SFXN1: variants seen among roughly 807,000 people sequenced by gnomAD.
SFXN1 encodes the protein sideroflexin 1, also known as sideroflexin-1.
A neutral mutation model predicts 39.5 loss-of-function variants in SFXN1; 32 were observed. That is an observed-to-expected ratio of 0.81 (90% CI 0.61 to 1.09). SFXN1 has a LOEUF of 1.09. Among genes scored for constraint, SFXN1 ranks in the 50% least tolerant of loss-of-function variants. The probability of loss-of-function intolerance (pLI) is 0.00; values close to 1 mark genes in which losing one functional copy is unlikely to be tolerated. For missense variants in SFXN1, 402 were observed against 407.1 expected, an observed-to-expected ratio of 0.99 and a Z score of 0.11; for synonymous variants, 136 against 146.5, an observed-to-expected ratio of 0.93 and a Z score of 0.52.
chr5:175,509,910 C>G (rs892714313), intron 3 of SFXN1, among the ~76,000 whole-genome samples, 199 bp from the exon 4 acceptor site: 11 of 152,142 alleles, frequency 7.2e-5, no homozygotes, highest in Non-Finnish European at 1.3e-4. Flanking sequence ...TTGGTGTTAT[C>G]TATATCTACG....
At chr5:175,509,806 C>A (rs1760448932) in intron 3 of SFXN1, among the ~76,000 whole-genome samples, 1 of 152,096 alleles carries the variant, frequency 6.6e-6, no homozygotes, top group African/African-American at 2.4e-5. Flanking sequence ...CTTTTTTCCC[C>A]AAGAGAAGGG....
chr5:175,480,490 A>G (rs2113245749), intron 1 of SFXN1, among the ~76,000 whole-genome samples: 1 of 152,316 alleles, frequency 6.6e-6, no homozygotes, highest in South Asian at 2.1e-4. Flanking sequence ...TGAGGCTTTC[A>G]GGCCACATGG....
At chr5:175,505,020 A>G (rs884457) in intron 2 of SFXN1, among the ~76,000 whole-genome samples, 48,842 of 151,974 alleles carry the variant, frequency 0.32, 9,196 homozygotes, top group African/African-American at 0.52. Flanking sequence ...GAGCCATCGC[A>G]CCCGGCCAGA....
intron 2 of SFXN1, among the ~76,000 whole-genome samples, chr5:175,492,797 G>A (rs1759709211): frequency 6.6e-6 from 1 of 152,150 alleles, no homozygotes; most frequent in African/African-American, 2.4e-5. Flanking sequence ...CATGCGGGAG[G>A]GAGGAGAAGA....
At chr5:175,516,268 A>G (rs553347426) in intron 7 of SFXN1, among the ~76,000 whole-genome samples, 1 of 152,182 alleles carries the variant, frequency 6.6e-6, no homozygotes, top group East Asian at 1.9e-4. Flanking sequence ...TCTTTACACC[A>G]TCCTCCCTGC....
chr5:175,504,351 A>G (rs1760206748), intron 2 of SFXN1, among the ~76,000 whole-genome samples: 1 of 151,918 alleles, frequency 6.6e-6, no homozygotes, highest in Non-Finnish European at 1.5e-5. Context: ...AGGGCAGGCA[A>G]ATCACCTGAG....
chr5:175,509,205 A>G lies in SFXN1; in HGVS notation c.335+3A>G, dbSNP rs1410506631. The G allele has an allele frequency of 1.2e-6, 2 of 1,606,704 alleles. No homozygotes were observed. Among genetic ancestry groups the G allele is most frequent in the African/African-American group, 2.7e-5 (2 of 74,734 alleles). On this transcript the variant is annotated splice_donor_region_variant and intron_variant, in intron 3 of 10. Transcript: ENST00000321442. ...GGTTGTATGATGACGTTTTACAGGT[A>G]TGTTATGAATATGTAGCAACAGTGT...
intron 1 of SFXN1, among the ~76,000 whole-genome samples, chr5:175,480,506 C>G (rs1328050403): frequency 1.3e-5 from 2 of 152,050 alleles, no homozygotes; most frequent in African/African-American, 4.8e-5. Context: ...CATGGATGTT[C>G]AGAAAAGGGA....
chr5:175,514,860 T>G (rs941694501), intron 7 of SFXN1, among the ~76,000 whole-genome samples: 1 of 152,156 alleles, frequency 6.6e-6, no homozygotes, highest in Admixed American at 6.5e-5. Flanking sequence ...TCCTGAAACA[T>G]GGGAAAGCAT....
chr5:175,504,425 A>AG (rs1760209995), intron 2 of SFXN1, among the ~76,000 whole-genome samples: 1 of 151,044 alleles, frequency 6.6e-6, no homozygotes, highest in African/African-American at 2.4e-5. Context: ...AAACACAAAA[A>AG]CTAACCGGGC....
At chr5:175,497,574 G>A (rs1759901252) in intron 2 of SFXN1, among the ~76,000 whole-genome samples, 1 of 152,096 alleles carries the variant, frequency 6.6e-6, no homozygotes, top group African/African-American at 2.4e-5. Flanking sequence ...ATGAGCCAGT[G>A]GTGTTCCATC....
chr5:175,484,445 G>A (rs887306356), intron 1 of SFXN1, among the ~76,000 whole-genome samples: 10 of 152,220 alleles, frequency 6.6e-5, no homozygotes, highest in East Asian at 3.9e-4. Context: ...CCAGGTGTGC[G>A]GGGCACATGC....
At chr5:175,483,359 T>G (rs1449810643) in intron 1 of SFXN1, among the ~76,000 whole-genome samples, 3 of 152,196 alleles carry the variant, frequency 2.0e-5, no homozygotes, top group African/African-American at 7.2e-5. Flanking sequence ...TAAGTCCCAC[T>G]TTTTTCTCAT....
At chr5:175,500,666 T>C (rs1162028494) in intron 2 of SFXN1, among the ~76,000 whole-genome samples, 1 of 152,150 alleles carries the variant, frequency 6.6e-6, no homozygotes, top group Non-Finnish European at 1.5e-5. Context: ...CCTAGAATAT[T>C]GGAAACAATT....
chr5:175,504,457 C>T (rs998302108), intron 2 of SFXN1, among the ~76,000 whole-genome samples: 1 of 151,610 alleles, frequency 6.6e-6, no homozygotes, highest in Non-Finnish European at 1.5e-5. Context: ...CACCTGTAGT[C>T]GCAGGTACTC....
At chr5:175,501,903 A>G (rs1291752531) in intron 2 of SFXN1, among the ~76,000 whole-genome samples, 1 of 152,214 alleles carries the variant, frequency 6.6e-6, no homozygotes, top group African/African-American at 2.4e-5. Flanking sequence ...ATTCATGCAG[A>G]GCCGGCTGTG....
At chr5:175,510,629 G>A (rs1240871438) in intron 4 of SFXN1, among the ~76,000 whole-genome samples, 20 of 152,164 alleles carry the variant, frequency 1.3e-4, no homozygotes, top group Non-Finnish European at 7.3e-5. Context: ...CAGAAATCAA[G>A]GGGAGACCAT....
chr5:175,491,576 C>A (rs965680795), intron 1 of SFXN1: 1 of 151,842 alleles, frequency 6.6e-6, no homozygotes, highest in Non-Finnish European at 1.5e-5. Flanking sequence ...TGGGCTCAAG[C>A]GATCCCCACA....
chr5:175,520,085 G>T (rs1470625074), intron 8 of SFXN1, among the ~76,000 whole-genome samples: 1 of 151,646 alleles, frequency 6.6e-6, no homozygotes, highest in Non-Finnish European at 1.5e-5. Context: ...AGCCAGGATG[G>T]TCTTGATCTC....
Sources: gnomAD v4.1 joint callset for allele counts (sites outside exome capture counted in the v4.1 genomes callset) on GRCh38, gnomAD v4.1.1 for gene constraint, MANE v1.5 for transcripts, NCBI Gene and HGNC (gene_info 2026-07-23, HGNC 2026-07-21) for gene names.